VILL: variants seen among roughly 807,000 people sequenced by gnomAD.
VILL encodes the protein villin-like protein.
In VILL, 102 loss-of-function variants were observed where a neutral mutation model predicts 106.3. That is an observed-to-expected ratio of 0.96 (90% CI 0.82 to 1.13). The LOEUF (loss-of-function observed/expected upper bound fraction) is 1.13, where lower values mean the gene tolerates loss of function less well. VILL is among the 50% of genes most tolerant of loss of function. The pLI, the probability that VILL is intolerant of heterozygous loss-of-function variation, is 0.00. For synonymous variants in VILL, 431 were observed against 440.3 expected (o/e 0.98, Z 0.27); for missense variants, 1,076 against 1,116.6 (o/e 0.96, Z 0.52).
rs780939230 is a variant in VILL at position 38,001,800 on chromosome 3, C to T, written c.1419C>T (p.Thr473=). Residue 473 remains threonine (T), a synonymous_variant, in exon 13 of 20, where the codon ACC becomes ACT. Coordinates refer to ENST00000383759, the MANE Select transcript of VILL (RefSeq NM_015873.4). ...YGGVLVQEHV[T]MGSEPPHFLA... is the part of the protein sequence containing the mutation. ...GCGTCCTAGTACAGGAGCATGTGAC[C>T]ATGGGCAGCGAGCCCCCCCACTTCC... is the stretch of plus-strand genomic sequence containing the variant. The T allele has an allele frequency of 1.9e-6, 3 of 1,614,182 alleles. No homozygotes were observed. Among genetic ancestry groups the T allele is most frequent in the Non-Finnish European group, 2.5e-6 (3 of 1,179,990 alleles).
chr3:37,993,684 C>A lies in VILL; in HGVS notation c.12C>A (p.Ser4Arg), dbSNP rs2125528736. The change falls in exon 2 of 20, where the codon AGC becomes AGA. Residue 4 changes from serine to arginine, a missense_variant. Coordinates refer to ENST00000383759, the MANE Select transcript of VILL (RefSeq NM_015873.4). MDI[S>R]KGLPGMQGGL... ...CTGCCTGGCCTGCGATGGACATCAG[C>A]AAGGGCCTCCCAGGCATGCAGGGAG... 3 of 1,614,044 alleles carry A rather than the reference C, an allele frequency of 1.9e-6. No homozygotes were observed. The East Asian group carries it at 6.7e-5, about 36-fold the overall frequency.
In VILL at chr3:37,997,572, G is replaced by A. The variant is rs9872494; in HGVS notation, c.651G>A (p.Pro217=). 16,550 of 1,614,028 alleles carry A rather than the reference G, an allele frequency of 0.01. 1,470 individuals are homozygous for A. In the African/African-American group the frequency reaches 0.19, roughly 18 times the overall value. The change falls in exon 7 of 20, where the codon CCG becomes CCA. Residue 217 remains proline, a synonymous_variant. Coordinates refer to ENST00000383759, the MANE Select transcript of VILL (RefSeq NM_015873.4). The surrounding 1 kb of genome is among the most constrained non-coding windows in gnomAD (Gnocchi z 4.7). ...IGVVDDEAKA[P]DLMQIMEAVL... is the part of the protein sequence containing the mutation. Reference sequence around the variant, plus strand: ...TGGTGGATGATGAGGCCAAAGCCCCGGACCTCATGCAGATCATGGAGGCTG... The same window carrying A: ...TGGTGGATGATGAGGCCAAAGCCCCAGACCTCATGCAGATCATGGAGGCTG...
At position 38,003,238 on chromosome 3, in the gene VILL, C is replaced by A; in HGVS notation, c.1730C>A (p.Thr577Lys). ...GTCATTTCCAGGAAGAATGAGGAAACGGTGCTGGAGGGTCAGGAGCCTCCC... is the reference window on the plus strand; with the variant it reads ...GTCATTTCCAGGAAGAATGAGGAAAAGGTGCTGGAGGGTCAGGAGCCTCCC... ...VTVISRKNEE[T>K]VLEGQEPPHF... Residue 577 changes from threonine to lysine, a missense_variant, in exon 15 of 20, where the codon ACG becomes AAG. Physicochemically the swap from Thr to Lys is moderately conservative, Grantham distance 78. Coordinates refer to ENST00000383759, the MANE Select transcript of VILL (RefSeq NM_015873.4). 1 of 1,613,918 alleles carries A rather than the reference C, an allele frequency of 6.2e-7. No homozygotes were observed. The highest frequency in any genetic ancestry group is 8.5e-7 in the Non-Finnish European group (1 of 1,179,934).
At chr3:38,004,708 C>T (rs538602365) in intron 16 of VILL, among the ~76,000 whole-genome samples, 14 of 152,310 alleles carry the variant, frequency 9.2e-5, no homozygotes, top group African/African-American at 3.1e-4. Context: ...ACAGTGCCTG[C>T]GGCCGAGCAT....
Position 37,998,442 on chromosome 3 carries a change from TCTA to T in VILL, c.942+79_942+81del. On this transcript the variant is annotated intron_variant, in intron 9 of 19. Transcript: ENST00000383759. This position sits in a 1 kb window ranked among gnomAD's most constrained non-coding sequence, Gnocchi z 4.1. ...GTGGGGAGGCAGCTCCGCCCCAGGG[TCTA>T]AGGGAGGAATCAGCCCTCCCCTAGA... 1 of 1,332,056 alleles carries T rather than the reference TCTA, an allele frequency of 7.5e-7. No individual in the cohort carries two copies. The highest frequency in any genetic ancestry group is 1.1e-6 in the Non-Finnish European group (1 of 938,182). The allele number at this position is 1,332,056 out of a possible 1,614,324, so 82.5% of individuals were successfully genotyped here. A position where few individuals can be genotyped will look rare whatever the true frequency, so the allele number is the denominator to read the frequency against.
intron 4 of VILL, among the ~76,000 whole-genome samples, chr3:37,994,679 C>A (rs754490550): frequency 6.6e-6 from 1 of 152,224 alleles, no homozygotes; most frequent in African/African-American, 2.4e-5. Flanking sequence ...GTGCAACCAT[C>A]ACCACAATTT....
chr3:37,998,983 C>T lies in VILL; in HGVS notation c.1014C>T (p.Ala338=), dbSNP rs774726124. 27 of 1,609,462 alleles carry T rather than the reference C, an allele frequency of 1.7e-5. No individual in the cohort carries two copies. The highest frequency in any genetic ancestry group is 2.1e-5 in the Non-Finnish European group (25 of 1,178,138). Residue 338 remains alanine, a synonymous_variant, in exon 10 of 20, where the codon GCC becomes GCT. Transcript: ENST00000383759. This position sits in a 1 kb window ranked among gnomAD's most constrained non-coding sequence, Gnocchi z 4.1. ...VEVVNDGAES[A]AFKQLFRTWS... ...TGGTGAACGACGGCGCCGAGTCGGCCGCGTTCAAGCAGCTCTTCCGGACTT... is the reference window on the plus strand; with the variant it reads ...TGGTGAACGACGGCGCCGAGTCGGCTGCGTTCAAGCAGCTCTTCCGGACTT...
Position 37,997,260 on chromosome 3 carries a change from G to A in VILL, c.561+73G>A, listed in dbSNP as rs992480868. 3.1e-5 allele frequency: 46 copies of A among 1,499,326 alleles called. No individual in the cohort carries two copies. The East Asian group carries it at 4.8e-4, about 15-fold the overall frequency. 92.9% of individuals were successfully genotyped at this position (1,499,326 alleles called of 1,614,324 possible). A position where few individuals can be genotyped will look rare whatever the true frequency, so the allele number is the denominator to read the frequency against. Reference sequence around the variant, plus strand: ...ATGATCCTCCAGTTGACCATCCTCCGGCCACCCAAAGAGTTGGGCTTGGCT... The same window carrying A: ...ATGATCCTCCAGTTGACCATCCTCCAGCCACCCAAAGAGTTGGGCTTGGCT... On this transcript the variant is annotated intron_variant, in intron 6 of 19. Transcript: ENST00000383759. This position sits in a 1 kb window ranked among gnomAD's most constrained non-coding sequence, Gnocchi z 4.7.
chr3:38,003,182 T>C lies in VILL; in HGVS notation c.1674T>C (p.Asp558=), dbSNP rs1699851365. 1 of 1,613,758 alleles carries C rather than the reference T, an allele frequency of 6.2e-7. No homozygotes were observed. Residue 558 remains aspartate (D), a synonymous_variant, in exon 15 of 20, where the codon GAT becomes GAC. Coordinates refer to ENST00000383759, the MANE Select transcript of VILL (RefSeq NM_015873.4). ...TTGCCTGCTAGGGCTGTAATGGTGA[T>C]CAGCGTGAGATGGCACGGGTGGTGG... The part of the protein sequence containing the change: ...YLWFGKGCNG[D]QREMARVVVT...
At chr3:38,004,870 G>C (rs1412032547) in intron 16 of VILL, among the ~76,000 whole-genome samples, 1 of 152,200 alleles carries the variant, frequency 6.6e-6, no homozygotes, top group East Asian at 1.9e-4. Context: ...CCAGACCAGT[G>C]GCAACTGGTG....
Position 38,007,113 on chromosome 3 carries a change from G to A in VILL, c.*58G>A. 7.0e-7 allele frequency: 1 copy of A among 1,435,920 alleles called. No individual in the cohort carries two copies. 88.9% of individuals were successfully genotyped at this position (1,435,920 alleles called of 1,614,324 possible). A position where few individuals can be genotyped will look rare whatever the true frequency, so the allele number is the denominator to read the frequency against. On this transcript the variant is annotated 3_prime_UTR_variant, in exon 20 of 20. Coordinates refer to ENST00000383759, the MANE Select transcript of VILL (RefSeq NM_015873.4). ...GACCCCAACATACCTACAATGCTGG[G>A]GAGGCCCTGCTTCCACTCCCCTCAG... is the stretch of plus-strand genomic sequence containing the variant.
rs753906141 is a variant in VILL, at chr3:37,998,913, G to C, written c.944G>C (p.Gly315Ala). ...ERKAAFSRAV[G>A]FIQAKGYPTY... ...GACTGACGATGCCTTCCGCCCCAGG[G>C]CTTCATCCAGGCCAAGGGCTACCCG... Residue 315 changes from glycine (G) to alanine (A), a missense_variant and splice_region_variant, in exon 10 of 20, where the codon GGC becomes GCC. Transcript: ENST00000383759. The surrounding 1 kb of genome is among the most constrained non-coding windows in gnomAD (Gnocchi z 4.1). The C allele has an allele frequency of 1.9e-6, 3 of 1,594,418 alleles. No homozygotes were observed. Among genetic ancestry groups the C allele is most frequent in the Non-Finnish European group, 2.6e-6 (3 of 1,166,908 alleles).
chr3:38,001,499 A>C lies in VILL; in HGVS notation c.1226A>C (p.Lys409Thr), dbSNP rs369205147. The change falls in exon 12 of 20, where the codon AAG becomes ACG. Residue 409 changes from lysine (K) to threonine (T), a missense_variant. Coordinates refer to ENST00000383759, the MANE Select transcript of VILL (RefSeq NM_015873.4). Reference protein sequence around the residue: ...QDLHRQPVDPKRHGQLCAGNC... With the variant: ...QDLHRQPVDPTRHGQLCAGNC... ...TTACACAGGCAGCCCGTGGACCCCA[A>C]GCGTCATGGACAGCTGTGTGCAGGC... The C allele has an allele frequency of 3.0e-5, 48 of 1,614,204 alleles. No homozygotes were observed. Among genetic ancestry groups the C allele is most frequent in the Non-Finnish European group, 3.4e-5 (40 of 1,180,016 alleles).
upstream of VILL, among the ~76,000 whole-genome samples, chr3:37,988,459 G>C (rs567496427): frequency 1.7e-4 from 26 of 152,224 alleles, no homozygotes; most frequent in Non-Finnish European, 3.5e-4. Context: ...TATGTTTAAT[G>C]GGTGCAGAGT....
intron 11 of VILL, chr3:38,001,188 T>G (rs1575337974): frequency 1.7e-6 from 1 of 571,524 alleles, no homozygotes; most frequent in South Asian, 1.9e-5. Flanking sequence ...CTGGTGGGGT[T>G]GGGACTAGGG....
At chr3:38,001,394 A>T (rs888148687) in intron 11 of VILL, 62 bp from the exon 12 acceptor site, 1 of 1,596,956 alleles carries the variant, frequency 6.3e-7, no homozygotes, top group African/African-American at 1.3e-5. Flanking sequence ...GGTTGGGTAC[A>T]GGATGGGTGG....
chr3:38,003,877 C>CTCCCAGCCTGGCTTGCCTCCTTCCA (rs1257976633), intron 15 of VILL: 7 of 209,296 alleles, frequency 3.3e-5, no homozygotes, highest in African/African-American at 6.8e-5. Flanking sequence ...CCGTCTCCTT[C>CTCCCAGCCTGGCTTGCCTCCTTCCA]TCCCAGCCTG....
chr3:37,999,193 G>A (rs1420329169), intron 10 of VILL, 143 bp downstream of exon 10: 1 of 1,230,354 alleles, frequency 8.1e-7, no homozygotes, highest in African/African-American at 1.6e-5. Flanking sequence ...GGGCGGAACA[G>A]AGCCTCAGGA....
intron 1 of VILL, among the ~76,000 whole-genome samples, chr3:37,992,860 C>T (rs767861921): frequency 1.4e-4 from 22 of 152,186 alleles, no homozygotes; most frequent in Non-Finnish European, 2.9e-4. Context: ...TCTATGACAC[C>T]TATTGTGCCA....
Sources: gnomAD v4.1 joint callset for allele counts (sites outside exome capture counted in the v4.1 genomes callset) on GRCh38, gnomAD v4.1.1 for gene constraint, Gnocchi (gnomAD v3.1) non-coding constraint, MANE v1.5 for transcripts, NCBI Gene and HGNC (gene_info 2026-07-23, HGNC 2026-07-21) for gene names.